Variants in IRAK1BP1 observed in about 807,000 individuals in gnomAD.
IRAK1BP1 encodes interleukin 1 receptor associated kinase 1 binding protein 1.
IRAK1BP1 carries 24 observed loss-of-function variants against 28.0 expected under a neutral mutation model. That is an observed-to-expected ratio of 0.86 (90% confidence interval 0.62 to 1.20). The LOEUF (loss-of-function observed/expected upper bound fraction) is 1.20, where lower values mean the gene tolerates loss of function less well. IRAK1BP1 is among the 50% of genes most tolerant of loss of function. The probability of loss-of-function intolerance (pLI) is 0.00; values close to 1 mark genes in which losing one functional copy is unlikely to be tolerated. For missense variants in IRAK1BP1, 336 were observed against 316.7 expected, an observed-to-expected ratio of 1.06 and a Z score of -0.46; for synonymous variants, 131 against 116.3, an observed-to-expected ratio of 1.13 and a Z score of -0.81.
intron 4 of IRAK1BP1, among the ~76,000 whole-genome samples, chr6:78,929,071 GT>G (rs1373167762): frequency 6.6e-6 from 1 of 152,090 alleles, no homozygotes; most frequent in African/African-American, 2.4e-5. Flanking sequence ...TTTTGGAATA[GT>G]TTCAGTATGA....
chr6:78,952,831 T>C, the IRAK1BP1 span, among the ~76,000 whole-genome samples: 1 of 147,538 alleles, frequency 6.8e-6, no homozygotes, highest in Non-Finnish European at 1.5e-5. Flanking sequence ...ACCAAAACTA[T>C]CTATCAAAGT....
chr6:78,939,988 G>C (rs1209534734), intron 4 of IRAK1BP1: 1 of 152,470 alleles, frequency 6.6e-6, no homozygotes, highest in African/African-American at 2.4e-5. Context: ...AACAGAGATT[G>C]AGTGATATAA....
At chr6:78,905,332 A>G (rs1031004822), downstream of IRAK1BP1, among the ~76,000 whole-genome samples, 1 of 152,364 alleles carries the variant, frequency 6.6e-6, no homozygotes, top group African/African-American at 2.4e-5. Context: ...ATGAGAATAC[A>G]TGAAGCTCTG....
downstream of IRAK1BP1, chr6:78,903,162 C>T: frequency 1.0e-6 from 1 of 984,844 alleles, no homozygotes; most frequent in Non-Finnish European, 1.5e-6. Flanking sequence ...AAAAAGCATA[C>T]TGTATTCTTT....
At chr6:78,972,276 C>T in the IRAK1BP1 span, among the ~76,000 whole-genome samples, 1 of 152,176 alleles carries the variant, frequency 6.6e-6, no homozygotes, top group African/African-American at 2.4e-5. Context: ...ACACTGACAC[C>T]TCACACTGCA....
downstream of IRAK1BP1, among the ~76,000 whole-genome samples, chr6:78,948,512 G>C (rs962189486): frequency 6.6e-6 from 1 of 151,522 alleles, no homozygotes; most frequent in Non-Finnish European, 1.5e-5. Flanking sequence ...CCCCCTTTTT[G>C]GGAGACACAG....
intron 1 of IRAK1BP1, among the ~76,000 whole-genome samples, chr6:78,883,069 C>A (rs1771287271): frequency 6.6e-6 from 1 of 152,172 alleles, no homozygotes; most frequent in Admixed American, 6.5e-5. Context: ...CCACCCTAGG[C>A]AAAATAGCAA....
At chr6:78,958,744 C>T in the IRAK1BP1 span, 2 of 624,994 alleles carry the variant, frequency 3.2e-6, no homozygotes, top group Non-Finnish European at 5.7e-6. Context: ...ATTTTCAAAG[C>T]AGCATAACTG....
chr6:78,896,673 T>C lies in IRAK1BP1; in HGVS notation c.382-1156T>C, dbSNP rs144180744. On this transcript the variant is annotated intron_variant, in intron 2 of 3. Coordinates refer to ENST00000369940, the MANE Select transcript of IRAK1BP1 (RefSeq NM_001010844.4). Reference sequence around the variant, plus strand: ...TTCTATACCTTTTTCAAAAGTGATATAATTCACTAGGCATGGTGGCACGTT... The same window carrying C: ...TTCTATACCTTTTTCAAAAGTGATACAATTCACTAGGCATGGTGGCACGTT... Among the ~76,000 whole-genome samples the C allele has an allele frequency of 1.7e-3, 263 of 152,090 alleles. 1 individual carries two copies. The highest frequency in any genetic ancestry group is 6.0e-3 in the African/African-American group (249 of 41,482).
chr6:78,946,129 C>T (rs773306292), exon 5 of IRAK1BP1: 2 of 1,613,978 alleles, frequency 1.2e-6, no homozygotes, highest in Non-Finnish European at 1.7e-6. Flanking sequence ...AACCACAGAA[C>T]TAGATTCTGT....
the IRAK1BP1 span, chr6:78,963,358 T>C: frequency 3.6e-6 from 3 of 833,682 alleles, no homozygotes; most frequent in Non-Finnish European, 5.5e-6. Context: ...ATATTTTGTA[T>C]AGATTTGTAA....
chr6:78,972,176 G>A, the IRAK1BP1 span, among the ~76,000 whole-genome samples: 1 of 152,216 alleles, frequency 6.6e-6, no homozygotes, highest in East Asian at 1.9e-4. Flanking sequence ...CGCAGCTGGA[G>A]ATATGAGAAC....
At chr6:78,952,359 T>C in the IRAK1BP1 span, among the ~76,000 whole-genome samples, 1 of 143,890 alleles carries the variant, frequency 6.9e-6, no homozygotes, top group Non-Finnish European at 1.5e-5. Flanking sequence ...GCAGAGTTTG[T>C]AGTGAGCCGA....
Position 78,867,717 on chromosome 6 carries a change from A to G in IRAK1BP1, c.141A>G (p.Gln47=). The change falls in exon 1 of 4, where the codon CAA becomes CAG. Residue 47 remains glutamine, a synonymous_variant. Coordinates refer to ENST00000369940, the MANE Select transcript of IRAK1BP1 (RefSeq NM_001010844.4). ...ACCCCCTCTCCTCAACACAAGCCCA[A>G]ACTGCTACCCGCGAGGTGCAAGTAA... ...LRHPLSSTQA[Q]TATREVQVSG... The G allele has an allele frequency of 1.2e-6, 2 of 1,614,218 alleles. No individual in the cohort carries two copies. Among genetic ancestry groups the G allele is most frequent in the Non-Finnish European group, 1.7e-6 (2 of 1,180,036 alleles).
At chr6:78,891,715 GC>G (rs1396652606) in intron 2 of IRAK1BP1, among the ~76,000 whole-genome samples, 1 of 152,168 alleles carries the variant, frequency 6.6e-6, no homozygotes, top group African/African-American at 2.4e-5. Context: ...GCCTGCCTCT[GC>G]CTCCCAAAGT....
intron 4 of IRAK1BP1, among the ~76,000 whole-genome samples, chr6:78,927,511 C>T (rs1355464665): frequency 1.3e-5 from 2 of 152,018 alleles, no homozygotes; most frequent in Admixed American, 1.3e-4. Context: ...CTGATTGTTT[C>T]CTTTGCTGTG....
chr6:78,940,926 T>C, intron 4 of IRAK1BP1: 1 of 1,614,014 alleles, frequency 6.2e-7, no homozygotes, highest in Non-Finnish European at 8.5e-7. Context: ...TCATCTATCT[T>C]TTTTCGGTTA....
At chr6:78,929,748 A>G (rs867644690) in intron 4 of IRAK1BP1, among the ~76,000 whole-genome samples, 1 of 152,194 alleles carries the variant, frequency 6.6e-6, no homozygotes, top group Non-Finnish European at 1.5e-5. Flanking sequence ...ATATAAGCAT[A>G]CATTTAATTT....
chr6:78,937,539 C>G (rs1016033435), intron 4 of IRAK1BP1: 1 of 151,634 alleles, frequency 6.6e-6, no homozygotes, highest in African/African-American at 2.4e-5. Context: ...TAGTCAATCC[C>G]AAGTCTCAGA....
Sources: gnomAD v4.1 joint callset for allele counts (sites outside exome capture counted in the v4.1 genomes callset) on GRCh38, gnomAD v4.1.1 for gene constraint, MANE v1.5 for transcripts, NCBI Gene and HGNC (gene_info 2026-07-23, HGNC 2026-07-21) for gene names.